MAEA: variants seen among roughly 807,000 people sequenced by gnomAD.
MAEA encodes E3 ubiquitin-protein transferase MAEA.
A neutral mutation model predicts 46.2 loss-of-function variants in MAEA; 22 were observed. The ratio of observed to expected loss-of-function variants is 0.48; its 90% CI spans 0.34 to 0.68. The LOEUF (loss-of-function observed/expected upper bound fraction) is 0.68. Ranked by LOEUF, MAEA falls within the 30% of genes least tolerant of loss-of-function variation. The pLI, the probability that MAEA is intolerant of heterozygous loss-of-function variation, is 0.01. For synonymous variants in MAEA, 246 were observed against 222.6 expected, an observed-to-expected ratio of 1.11 and a Z score of -0.94; for missense variants, 393 against 558.1, an observed-to-expected ratio of 0.70 and a Z score of 2.98.
chr4:1,326,761 G>A (rs1179955939), intron 4 of MAEA, among the ~76,000 whole-genome samples: 4 of 152,166 alleles, frequency 2.6e-5, no homozygotes, highest in African/African-American at 9.7e-5. Context: ...GGACCTCAGT[G>A]TCCCCTGGGC....
chr4:1,299,415 T>C (rs777198884), intron 1 of MAEA: 16 of 153,062 alleles, frequency 1.0e-4, no homozygotes, highest in Admixed American at 2.6e-4. Flanking sequence ...CCTCTGCCCC[T>C]GCGGCTCAAG....
intron 7 of MAEA, chr4:1,337,650 G>C (rs1207575665): frequency 5.9e-6 from 1 of 169,654 alleles, no homozygotes; most frequent in Non-Finnish European, 1.3e-5. Flanking sequence ...CCCTGCCTGC[G>C]ACTGAGTCTG....
At position 1,308,310 on chromosome 4, in the gene MAEA, C is replaced by G. The variant is rs78721048; in HGVS notation, c.70-3669C>G. Among the ~76,000 whole-genome samples the G allele has an allele frequency of 4.1e-3, 629 of 152,296 alleles. 3 individuals carry two copies. The highest frequency in any genetic ancestry group is 0.014 in the African/African-American group (593 of 41,560). On this transcript the variant is annotated intron_variant, in intron 1 of 8. Transcript: ENST00000303400. ...TATCACCTGCACGGTCTGTTGTTGA[C>G]CAAAATGTCGTTATGTGGTGTGTGA...
intron 3 of MAEA, among the ~76,000 whole-genome samples, chr4:1,318,257 C>T (rs1737564200): frequency 6.6e-6 from 1 of 152,278 alleles, no homozygotes; most frequent in Admixed American, 6.5e-5. Flanking sequence ...TGTGACCAAG[C>T]AACCTGGCGG....
chr4:1,322,943 C>CTTTT lies in MAEA; in HGVS notation c.579+467_579+470dup, dbSNP rs60692981. Among the ~76,000 whole-genome samples the CTTTT allele has an allele frequency of 5.8e-4, 44 of 75,266 alleles. 3 individuals are homozygous for CTTTT. The highest frequency in any genetic ancestry group is 7.4e-4 in the African/African-American group (12 of 16,146). The allele number at this position is 75,266 out of a possible 152,430, so 49.4% of individuals were successfully genotyped here. A position where few individuals can be genotyped will look rare whatever the true frequency, so the allele number is the denominator to read the frequency against. On this transcript the variant is annotated intron_variant, in intron 4 of 8. Transcript: ENST00000303400. ...CTGTGATATTGTTAATGAATACCCACTTTTTTTTTTTTTTTTTTTTTTTTT... is the reference window on the plus strand; with the variant it reads ...CTGTGATATTGTTAATGAATACCCACTTTTTTTTTTTTTTTTTTTTTTTTTTTTT...
intron 1 of MAEA, chr4:1,309,369 A>C: frequency 8.4e-7 from 1 of 1,185,324 alleles, no homozygotes; most frequent in Non-Finnish European, 1.1e-6. Flanking sequence ...AGCCCAGGCC[A>C]GTGGAGGGGA....
intron 7 of MAEA, 98 bp from the exon 8 acceptor site, chr4:1,338,320 TAGCC>T: frequency 4.5e-6 from 4 of 892,576 alleles, no homozygotes; most frequent in Non-Finnish European, 6.9e-6. Flanking sequence ...GGCGCCCACA[TAGCC>T]AGAAGGGCAC....
intron 3 of MAEA, among the ~76,000 whole-genome samples, chr4:1,321,367 TAAAG>T (rs1389076971): frequency 3.3e-5 from 5 of 151,376 alleles, no homozygotes; most frequent in African/African-American, 4.9e-5. Flanking sequence ...GAGAAACCGT[TAAAG>T]AAAAGATGCA....
At chr4:1,316,417 C>G (rs1737178315) in intron 3 of MAEA, among the ~76,000 whole-genome samples, 1 of 151,958 alleles carries the variant, frequency 6.6e-6, no homozygotes, top group Non-Finnish European at 1.5e-5. Flanking sequence ...GGAGCACAGC[C>G]TCACCTGACT....
intron 6 of MAEA, 78 bp from the exon 7 acceptor site, chr4:1,336,783 A>C: frequency 6.9e-7 from 1 of 1,446,944 alleles, no homozygotes. Context: ...CACCTGCTTC[A>C]CCATGGTCCA....
Position 1,327,659 on chromosome 4 carries a change from G to A in MAEA, c.612G>A (p.Glu204=). 2 of 1,614,036 alleles carry A rather than the reference G, an allele frequency of 1.2e-6. No homozygotes were observed. The highest frequency in any genetic ancestry group is 1.7e-6 in the Non-Finnish European group (2 of 1,180,018). ...TGGAGTTCAGCCTCAGAATCCAGGA[G>A]TTCATTGAACTCATCCGGCAGAATA... ...SCLEFSLRIQ[E]FIELIRQNKR... Residue 204 remains glutamate (E), a synonymous_variant, in exon 5 of 9, where the codon GAG becomes GAA. Transcript: ENST00000303400.
chr4:1,303,232 C>CAAAAAAAAAAAAAAAAAAAA lies in MAEA; in HGVS notation c.70-8743_70-8724dup. ...TGAAACCCCGTCTCTACTAAAAATA[C>CAAAAAAAAAAAAAAAAAAAA]AAAAAAAAAAAAAAAAAAAAAAAGC... On this transcript the variant is annotated intron_variant, in intron 1 of 8. Transcript: ENST00000303400. Among the ~76,000 whole-genome samples the CAAAAAAAAAAAAAAAAAAAA allele has an allele frequency of 3.0e-5, 2 of 65,674 alleles. 1 individual carries two copies. The highest frequency in any genetic ancestry group is 5.9e-5 in the Non-Finnish European group (2 of 33,682). 43.1% of individuals were successfully genotyped at this position (65,674 alleles called of 152,430 possible).
At chr4:1,337,459 CGACTCACTGAGTTCCTGCCTGT>C (rs961336263) in intron 7 of MAEA, 9 of 210,778 alleles carry the variant, frequency 4.3e-5, no homozygotes, top group African/African-American at 2.2e-4. Flanking sequence ...GTCCCACCTG[CGACTCACTGAGTTCCTGCCTGT>C]GACTCACTCG....
chr4:1,296,770 C>A (rs1203723150), intron 1 of MAEA, among the ~76,000 whole-genome samples: 1 of 152,150 alleles, frequency 6.6e-6, no homozygotes, highest in East Asian at 1.9e-4. Flanking sequence ...CAGGATGATG[C>A]TCCTGAAAGC....
intron 1 of MAEA, among the ~76,000 whole-genome samples, chr4:1,308,854 T>C (rs1736095100): frequency 6.6e-6 from 1 of 152,228 alleles, no homozygotes; most frequent in Non-Finnish European, 1.5e-5. Flanking sequence ...TTTTTCCCAT[T>C]TTTTACTCTG....
At chr4:1,334,205 T>G (rs1264549418) in intron 6 of MAEA, among the ~76,000 whole-genome samples, 3 of 126,838 alleles carry the variant, frequency 2.4e-5, no homozygotes, top group African/African-American at 8.9e-5. Flanking sequence ...CAGTTTCAGT[T>G]CCTGGAAAAG....
At chr4:1,292,727 G>A (rs1308424930) in intron 1 of MAEA, among the ~76,000 whole-genome samples, 1 of 152,114 alleles carries the variant, frequency 6.6e-6, no homozygotes, top group Admixed American at 6.5e-5. Context: ...TAAGGGACTT[G>A]TTTCTTCCTC....
chr4:1,333,332 C>T (rs1046234165), intron 6 of MAEA, among the ~76,000 whole-genome samples: 4 of 151,426 alleles, frequency 2.6e-5, no homozygotes, highest in Admixed American at 6.6e-5. Context: ...CAGAGCAGGA[C>T]CTTGTCTCCA....
At chr4:1,300,005 G>A (rs1194185966) in intron 1 of MAEA, 1 of 152,158 alleles carries the variant, frequency 6.6e-6, no homozygotes, top group Non-Finnish European at 1.5e-5. Flanking sequence ...TGGCAATTCT[G>A]TCTAAAGCAG....
Sources: gnomAD v4.1 joint callset for allele counts (sites outside exome capture counted in the v4.1 genomes callset) on GRCh38, gnomAD v4.1.1 for gene constraint, MANE v1.5 for transcripts, NCBI Gene and HGNC (gene_info 2026-07-23, HGNC 2026-07-21) for gene names.